Variants in NDUFA10 observed in about 807,000 individuals in gnomAD.
The protein encoded by NDUFA10 is NADH:ubiquinone oxidoreductase subunit A10.
In NDUFA10, 40 loss-of-function variants were observed where a neutral mutation model predicts 47.8. That is an observed-to-expected ratio of 0.84 (90% confidence interval 0.65 to 1.09). The LOEUF (loss-of-function observed/expected upper bound fraction) is 1.09, where lower values mean the gene tolerates loss of function less well. Ranked by LOEUF, NDUFA10 falls within the 50% of genes least tolerant of loss-of-function variation. The pLI, the probability that NDUFA10 is intolerant of heterozygous loss-of-function variation, is 0.00. For missense variants in NDUFA10, 413 were observed against 451.1 expected, an observed-to-expected ratio of 0.92 and a Z score of 0.76; for synonymous variants, 183 against 172.2, an observed-to-expected ratio of 1.06 and a Z score of -0.49.
intron 5 of NDUFA10, 76 bp downstream of exon 5, chr2:240,014,663 C>A: frequency 6.3e-7 from 1 of 1,597,004 alleles, no homozygotes; most frequent in Non-Finnish European, 8.6e-7. Context: ...AGTATAAATG[C>A]TATTAAAACA....
intron 9 of NDUFA10, among the ~76,000 whole-genome samples, chr2:239,980,874 G>A (rs967476): frequency 0.14 from 21,907 of 152,210 alleles, 1,595 homozygotes; most frequent in South Asian, 0.17. Flanking sequence ...ACCTCAGTGC[G>A]GGGAGAAGGC....
downstream of NDUFA10, among the ~76,000 whole-genome samples, chr2:239,956,482 G>A (rs1208267921): frequency 1.3e-5 from 2 of 152,156 alleles, no homozygotes; most frequent in African/African-American, 4.8e-5. Context: ...CAGGTTCCCA[G>A]ATTTGGACAG....
At chr2:239,994,276 C>A (rs1022143141) in intron 8 of NDUFA10, among the ~76,000 whole-genome samples, 1 of 152,144 alleles carries the variant, frequency 6.6e-6, no homozygotes, top group African/African-American at 2.4e-5. Context: ...GAAGCTTCAT[C>A]TGTATTTATA....
Position 239,969,879 on chromosome 2 carries a change from C to A in NDUFA10, c.1000-8693G>T, listed in dbSNP as rs1470171721. On this transcript the variant is annotated intron_variant, in intron 9 of 9. Coordinates refer to ENST00000252711, the MANE Select transcript of NDUFA10 (RefSeq NM_004544.4). ...GGCACAGAAAGAAAAAGGCCAAAAA[C>A]AAATGGACAGAGTCACAGGGACCTG... 9.5e-6 allele frequency: 4 copies of A among 421,700 alleles called. No individual in the cohort carries two copies. In the East Asian group the frequency reaches 3.0e-4, roughly 32 times the overall value. The allele number at this position is 421,700 out of a possible 1,614,324, so 26.1% of individuals were successfully genotyped here.
At chr2:239,949,794 G>GACACT (rs1694521990) in intron 4 of NDUFA10, among the ~76,000 whole-genome samples, 1 of 152,176 alleles carries the variant, frequency 6.6e-6, no homozygotes, top group Non-Finnish European at 1.5e-5. Flanking sequence ...GGCCTGTTGA[G>GACACT]GTGGGACATT....
rs374594534 is a variant in NDUFA10, at chr2:240,005,187, A to G, written c.890+23T>C. Reference sequence around the variant, plus strand: ...TGCAAGTAGACCCCAGACATGCAGCAGCCCCCACACAGATGCACTTACAGT... The same window carrying G: ...TGCAAGTAGACCCCAGACATGCAGCGGCCCCCACACAGATGCACTTACAGT... On this transcript the variant is annotated intron_variant, in intron 8 of 9. Coordinates refer to ENST00000252711, the MANE Select transcript of NDUFA10 (RefSeq NM_004544.4). 1.9e-4 allele frequency: 302 copies of G among 1,593,460 alleles called. 1 individual carries two copies. In the African/African-American group the frequency reaches 3.5e-3, roughly 19 times the overall value.
At chr2:239,981,568 C>A (rs1046108439) in intron 9 of NDUFA10, among the ~76,000 whole-genome samples, 4 of 152,088 alleles carry the variant, frequency 2.6e-5, no homozygotes, top group African/African-American at 9.7e-5. Context: ...TCAGGAAAAT[C>A]CTGGAAGAAA....
chr2:240,017,955 CCACCGCCCAA>C, intron 4 of NDUFA10: 11 of 1,461,412 alleles, frequency 7.5e-6, no homozygotes, highest in Non-Finnish European at 1.0e-5. Flanking sequence ...CCTATTCAAC[CCACCGCCCAA>C]CACAGTCCTA....
chr2:240,010,645 G>A (rs1253786287), intron 6 of NDUFA10, among the ~76,000 whole-genome samples: 2 of 151,798 alleles, frequency 1.3e-5, no homozygotes, highest in Admixed American at 6.6e-5. Context: ...AGAAAGAAAC[G>A]CTCACCACAA....
At chr2:239,951,607 G>A (rs1019649798) in intron 4 of NDUFA10, among the ~76,000 whole-genome samples, 1 of 152,222 alleles carries the variant, frequency 6.6e-6, no homozygotes, top group Non-Finnish European at 1.5e-5. Flanking sequence ...TATGATGGAG[G>A]GGCGGCAGGC....
intron 5 of NDUFA10, chr2:240,012,059 G>C: frequency 3.0e-6 from 1 of 334,938 alleles, no homozygotes. Context: ...GCAGCGGCCT[G>C]TCTGTCCGCC....
chr2:239,965,826 C>T (rs1695035271), intron 9 of NDUFA10, among the ~76,000 whole-genome samples: 1 of 152,156 alleles, frequency 6.6e-6, no homozygotes, highest in Non-Finnish European at 1.5e-5. Flanking sequence ...AGGAACAAAC[C>T]CCTCCAATGC....
At chr2:239,967,808 A>G (rs1695138608) in intron 9 of NDUFA10, among the ~76,000 whole-genome samples, 1 of 152,196 alleles carries the variant, frequency 6.6e-6, no homozygotes, top group Non-Finnish European at 1.5e-5. Context: ...TGATGTTAGA[A>G]AAGTGTCCAC....
chr2:240,000,767 AC>A (rs1292704476), intron 8 of NDUFA10, among the ~76,000 whole-genome samples: 1 of 152,202 alleles, frequency 6.6e-6, no homozygotes, highest in East Asian at 1.9e-4. Flanking sequence ...ACAAATACTT[AC>A]CGTCGTGTTA....
Position 239,990,159 on chromosome 2 carries a change from A to G in NDUFA10, c.914T>C (p.Leu305Pro). 9 of 1,613,756 alleles carry G rather than the reference A, an allele frequency of 5.6e-6. No homozygotes were observed. Among genetic ancestry groups the G allele is most frequent in the Non-Finnish European group, 6.8e-6 (8 of 1,179,658 alleles). The change falls in exon 9 of 10, where the codon CTG becomes CCG. Residue 305 changes from leucine (L) to proline (P), a missense_variant. By Grantham distance (98) the Leu-to-Pro change is moderately conservative. Transcript: ENST00000252711. Reference protein sequence around the residue: ...RLLVQDKFEVLNYTSIPIFLP... With the variant: ...RLLVQDKFEVPNYTSIPIFLP... ...AAAGATAGGAATGCTTGTGTAATTCAGCACCTCAAACTTATCCTGAACCCT... is the reference window on the plus strand; with the variant it reads ...AAAGATAGGAATGCTTGTGTAATTCGGCACCTCAAACTTATCCTGAACCCT...
intron 8 of NDUFA10, among the ~76,000 whole-genome samples, chr2:240,002,883 T>C (rs1158897050): frequency 6.6e-6 from 1 of 152,160 alleles, no homozygotes. Context: ...AGACAGAGTC[T>C]CTGTCGCCCA....
chr2:239,900,436 G>A (rs113195370), intron 4 of NDUFA10, among the ~76,000 whole-genome samples: 16 of 144,332 alleles, frequency 1.1e-4, no homozygotes, highest in African/African-American at 3.1e-4. Context: ...GAGCCTCCCC[G>A]TTTTCCTACC....
chr2:239,984,786 C>T (rs1266976777), intron 9 of NDUFA10, among the ~76,000 whole-genome samples: 2 of 152,250 alleles, frequency 1.3e-5, no homozygotes, highest in Non-Finnish European at 2.9e-5. Context: ...GCTGCACGTT[C>T]CCGTCCCTGA....
At chr2:240,018,473 AG>A (rs1282704949) in intron 4 of NDUFA10, 79 bp downstream of exon 4, 1 of 1,612,664 alleles carries the variant, frequency 6.2e-7, no homozygotes, top group Non-Finnish European at 8.5e-7. Context: ...TCATAAACAC[AG>A]TAAGTGCAAG....
Sources: gnomAD v4.1 joint callset for allele counts (sites outside exome capture counted in the v4.1 genomes callset) on GRCh38, gnomAD v4.1.1 for gene constraint, MANE v1.5 for transcripts, NCBI Gene and HGNC (gene_info 2026-07-23, HGNC 2026-07-21) for gene names.